Variants in TSEN2 observed in about 807,000 individuals in gnomAD.
The protein encoded by TSEN2 is tRNA-splicing endonuclease subunit Sen2.
TSEN2 carries 54 observed loss-of-function variants against 59.2 expected under a neutral mutation model. The observed-to-expected ratio is 0.91, with a 90% CI of 0.73 to 1.14. TSEN2 has a LOEUF of 1.14. TSEN2 is among the 50% of genes most tolerant of loss of function. The pLI, the probability that TSEN2 is intolerant of heterozygous loss-of-function variation, is 0.00. For missense variants in TSEN2, 636 were observed against 576.2 expected (o/e 1.10, Z -1.06); for synonymous variants, 195 against 198.2 (o/e 0.98, Z 0.14).
chr3:12,490,793 G>A (rs1182009750), intron 2 of TSEN2, among the ~76,000 whole-genome samples: 1 of 152,140 alleles, frequency 6.6e-6, no homozygotes, highest in Admixed American at 6.5e-5. Flanking sequence ...ACGGAATGGC[G>A]TCTTGTCTCC....
chr3:12,486,995 C>T (rs1006818503), intron 1 of TSEN2, among the ~76,000 whole-genome samples: 3 of 152,174 alleles, frequency 2.0e-5, no homozygotes, highest in Admixed American at 1.3e-4. Context: ...CTGTTGTGAA[C>T]ATTCACATAC....
At chr3:12,494,796 T>C (rs1057181986) in intron 3 of TSEN2, among the ~76,000 whole-genome samples, 1 of 152,010 alleles carries the variant, frequency 6.6e-6, no homozygotes, top group African/African-American at 2.4e-5. Flanking sequence ...CTTTATAGAT[T>C]TGACTTTGTA....
chr3:12,509,167 C>T (rs1177729369), intron 6 of TSEN2, among the ~76,000 whole-genome samples: 2 of 149,914 alleles, frequency 1.3e-5, no homozygotes, highest in Non-Finnish European at 3.0e-5. Context: ...GAAGTTAGGG[C>T]TGTCAACTTT....
chr3:12,527,149 A>C (rs1319774983), intron 8 of TSEN2, among the ~76,000 whole-genome samples: 1 of 152,234 alleles, frequency 6.6e-6, no homozygotes, highest in Non-Finnish European at 1.5e-5. Context: ...TTGGATATTT[A>C]CTTACATTTG....
intron 3 of TSEN2, among the ~76,000 whole-genome samples, chr3:12,495,577 G>C (rs1452707102): frequency 6.6e-6 from 1 of 152,214 alleles, no homozygotes; most frequent in Non-Finnish European, 1.5e-5. Flanking sequence ...TAATCGGATA[G>C]ACTTTGCATC....
chr3:12,530,100 A>G, intron 10 of TSEN2: 1 of 1,413,988 alleles, frequency 7.1e-7, no homozygotes, highest in Non-Finnish European at 9.2e-7. Context: ...ACTGCTGCTG[A>G]GCTCCAATGA....
chr3:12,485,323 T>C (rs1054398277), intron 1 of TSEN2, among the ~76,000 whole-genome samples: 3 of 152,274 alleles, frequency 2.0e-5, no homozygotes, highest in African/African-American at 7.2e-5. Flanking sequence ...ACCTAAGAGG[T>C]GTTAGCCTGT....
At chr3:12,493,999 G>A (rs1264424199) in intron 3 of TSEN2, among the ~76,000 whole-genome samples, 2 of 152,188 alleles carry the variant, frequency 1.3e-5, no homozygotes, top group Non-Finnish European at 2.9e-5. Context: ...GTTAATTTTC[G>A]TATACTGTGT....
At chr3:12,484,290 G>C (rs1368275620), upstream of TSEN2, 2 of 152,444 alleles carry the variant, frequency 1.3e-5, no homozygotes, top group Non-Finnish European at 2.9e-5. Flanking sequence ...CAATCCTGCA[G>C]AGAGCAGCAA....
At chr3:12,526,752 C>T (rs1418538649) in intron 8 of TSEN2, among the ~76,000 whole-genome samples, 1 of 152,232 alleles carries the variant, frequency 6.6e-6, no homozygotes, top group Non-Finnish European at 1.5e-5. Context: ...GGTCTTGGCA[C>T]TGCTGACTTG....
chr3:12,515,573 T>C (rs2055980248), intron 6 of TSEN2, among the ~76,000 whole-genome samples: 1 of 152,234 alleles, frequency 6.6e-6, no homozygotes, highest in South Asian at 2.1e-4. Flanking sequence ...GTGGTATCTG[T>C]AGACCCTAAG....
chr3:12,487,502 AT>A (rs72333266), intron 1 of TSEN2, among the ~76,000 whole-genome samples: 9,856 of 152,170 alleles, frequency 0.065, 699 homozygotes, highest in African/African-American at 0.17. Context: ...ATCTTTTTTC[AT>A]TTTTTTAAAA....
rs757586673 is a variant in TSEN2, at chr3:12,503,266, C to G, written c.313C>G (p.Gln105Glu). The G allele has an allele frequency of 6.2e-7, 1 of 1,614,100 alleles. No homozygotes were observed. Among genetic ancestry groups the G allele is most frequent in the East Asian group, 2.2e-5 (1 of 44,880 alleles). ...NMPIITSKRYQHSVEWAAELM... is the reference protein window; with the variant it reads ...NMPIITSKRYEHSVEWAAELM... Reference sequence around the variant, plus strand: ...AACAGTATTTCTGTCTTGCAGGTATCAGCATAGTGTTGAGTGGGCAGCAGA... The same window carrying G: ...AACAGTATTTCTGTCTTGCAGGTATGAGCATAGTGTTGAGTGGGCAGCAGA... Residue 105 changes from glutamine (Q) to glutamate (E), a missense_variant, in exon 5 of 12, where the codon CAG becomes GAG. Coordinates refer to ENST00000284995, the MANE Select transcript of TSEN2 (RefSeq NM_025265.4).
chr3:12,506,836 G>T, intron 6 of TSEN2: 1 of 985,380 alleles, frequency 1.0e-6, no homozygotes, highest in Non-Finnish European at 1.2e-6. Flanking sequence ...TGGCATACAG[G>T]TAGGTCCCAA....
In TSEN2 at chr3:12,503,200, C is replaced by G. The variant is rs949570001; in HGVS notation, c.309-62C>G. ...GTCACCTTCCAGTCTGTTTTATGTGCTTTGTTGTTTTTTCAATTTTGAAAT... is the reference window on the plus strand; with the variant it reads ...GTCACCTTCCAGTCTGTTTTATGTGGTTTGTTGTTTTTTCAATTTTGAAAT... On this transcript the variant is annotated intron_variant, in intron 4 of 11. Transcript: ENST00000284995. 3.1e-6 allele frequency: 5 copies of G among 1,599,886 alleles called. No homozygotes were observed. The Admixed American group carries it at 5.0e-5, about 16-fold the overall frequency.
Position 12,505,395 on chromosome 3 carries a change from A to G in TSEN2, c.909+164A>G, listed in dbSNP as rs904483273. The G allele has an allele frequency of 6.3e-6, 4 of 639,600 alleles. No homozygotes were observed. The African/African-American group carries it at 7.3e-5, about 12-fold the overall frequency. The allele number at this position is 639,600 out of a possible 1,614,324, so 39.6% of individuals were successfully genotyped here. A position where few individuals can be genotyped will look rare whatever the true frequency, so the allele number is the denominator to read the frequency against. Reference sequence around the variant, plus strand: ...TAGCTCCCAAGTAGGCCTGCCTTTCACTCCTCAGCCTTTATTTCATCAGTT... The same window carrying G: ...TAGCTCCCAAGTAGGCCTGCCTTTCGCTCCTCAGCCTTTATTTCATCAGTT... On this transcript the variant is annotated intron_variant, in intron 6 of 11. Transcript: ENST00000284995.
At chr3:12,485,477 C>T (rs908721761) in intron 1 of TSEN2, among the ~76,000 whole-genome samples, 2 of 152,146 alleles carry the variant, frequency 1.3e-5, no homozygotes, top group Non-Finnish European at 2.9e-5. Context: ...TCACTTTCCA[C>T]ATCTGTACAA....
chr3:12,507,169 G>A (rs1028866037), intron 6 of TSEN2, among the ~76,000 whole-genome samples: 1 of 152,188 alleles, frequency 6.6e-6, no homozygotes, highest in African/African-American at 2.4e-5. Flanking sequence ...CTCCAGCCTA[G>A]GTGAAAGAGT....
chr3:12,491,138 A>C (rs1255859102), intron 2 of TSEN2, among the ~76,000 whole-genome samples: 1 of 151,970 alleles, frequency 6.6e-6, no homozygotes, highest in Non-Finnish European at 1.5e-5. Flanking sequence ...CTACAGGCGC[A>C]TGCCACCATG....
Sources: allele counts gnomAD v4.1 joint callset (sites outside exome capture counted in the v4.1 genomes callset), GRCh38; gene constraint gnomAD v4.1.1; transcripts MANE v1.5; gene names NCBI Gene and HGNC (gene_info 2026-07-23, HGNC 2026-07-21).